PHF8: variants seen among roughly 807,000 people sequenced by gnomAD.
PHF8 encodes histone lysine demethylase PHF8.
PHF8 carries 9 observed loss-of-function variants against 74.4 expected under a neutral mutation model. The ratio of observed to expected loss-of-function variants is 0.12; its 90% confidence interval spans 0.07 to 0.21. The LOEUF is 0.21. Among genes scored for constraint, PHF8 ranks in the 10% least tolerant of loss-of-function variants. The probability of loss-of-function intolerance (pLI) is 1.00; values close to 1 mark genes in which losing one functional copy is unlikely to be tolerated. For synonymous variants in PHF8, 311 were observed against 316.6 expected, an observed-to-expected ratio of 0.98 and a Z score of 0.19; for missense variants, 478 against 816.6, an observed-to-expected ratio of 0.59 and a Z score of 5.05.
chrX:54,002,413 G>C, intron 9 of PHF8, 152 bp from the exon 10 acceptor site: 1 of 549,131 alleles, frequency 1.8e-6, no homozygotes. Flanking sequence ...GGGTTCAAAG[G>C]TTATATAACT....
At chrX:53,977,225 C>T (rs1201690746) in intron 18 of PHF8, among the ~76,000 whole-genome samples, 3 of 111,679 alleles carry the variant, frequency 2.7e-5, no homozygotes, top group African/African-American at 9.8e-5. Context: ...GTCTCAGCTA[C>T]TCAGGAGGCT....
chrX:54,009,830 G>C (rs1180391835), intron 8 of PHF8, among the ~76,000 whole-genome samples: 1 of 59,978 alleles, frequency 1.7e-5, no homozygotes, highest in Non-Finnish European at 2.7e-5. Flanking sequence ...GTGACAGAGT[G>C]AGACTCTGTC....
intron 8 of PHF8, among the ~76,000 whole-genome samples, chrX:54,004,697 G>A (rs977867824): frequency 3.6e-5 from 4 of 110,406 alleles, no homozygotes; most frequent in East Asian, 5.7e-4. Context: ...TTGGGAGGCC[G>A]AGGTGGGTAT....
upstream of PHF8, among the ~76,000 whole-genome samples, chrX:54,045,611 A>G (rs1557117329): frequency 1.8e-5 from 2 of 112,925 alleles, no homozygotes; most frequent in Admixed American, 9.3e-5. Flanking sequence ...AAAGAGCCTT[A>G]CAAGCTGCTT....
chrX:53,984,947 T>C lies in PHF8; in HGVS notation c.2410A>G (p.Ser804Gly). Reference protein sequence around the residue: ...EENASLDEQDSLGACFKDAEY... With the variant: ...EENASLDEQDGLGACFKDAEY... ...GCATCCTTGAAGCACGCTCCCAAGC[T>C]GTCCTGTTCATCCAGACTGGCGTTC... is the stretch of plus-strand genomic sequence containing the variant. Residue 804 changes from serine (S) to glycine (G), a missense_variant, in exon 18 of 22, where the codon AGC (serine) becomes GGC (glycine). Physicochemically the swap from Ser to Gly is moderately conservative, Grantham distance 56 (BLOSUM62 0). This residue lies in a region of PHF8 where 35 missense variants were observed against 78.8 expected (regional missense o/e 0.44). Coordinates refer to ENST00000338154, the MANE Select transcript of PHF8 (RefSeq NM_015107.3). 8.3e-7 allele frequency: 1 copy of C among 1,211,268 alleles called. No individual in the cohort carries two copies. The highest frequency in any genetic ancestry group is 3.0e-5 in the East Asian group (1 of 33,843).
chrX:54,016,120 A>G (rs2066063613), intron 6 of PHF8, among the ~76,000 whole-genome samples: 1 of 111,810 alleles, frequency 8.9e-6, no homozygotes, highest in African/African-American at 3.2e-5. Context: ...ATATGACTCA[A>G]CTGTTACAAC....
intron 2 of PHF8, among the ~76,000 whole-genome samples, chrX:54,037,213 G>A (rs1259210441): frequency 1.8e-5 from 2 of 111,435 alleles, no homozygotes; most frequent in African/African-American, 6.5e-5. Context: ...CCTCTAGCAA[G>A]TCTGACAAAT....
At chrX:53,991,675 A>AAAC (rs2065665117) in intron 14 of PHF8, among the ~76,000 whole-genome samples, 1 of 105,536 alleles carries the variant, frequency 9.5e-6, no homozygotes, top group African/African-American at 3.5e-5. Flanking sequence ...AAAAAAAAAA[A>AAAC]AAAAAAAAAA....
intron 19 of PHF8, among the ~76,000 whole-genome samples, chrX:53,960,574 C>G (rs1338506557): frequency 9.4e-6 from 1 of 105,897 alleles, no homozygotes; most frequent in Non-Finnish European, 1.9e-5. Context: ...ATGGTGAAAC[C>G]CCATCTCTAC....
chrX:54,048,236 C>T (rs895151522), upstream of PHF8, among the ~76,000 whole-genome samples: 92 of 108,990 alleles, frequency 8.4e-4, no homozygotes, highest in African/African-American at 3.1e-3. Flanking sequence ...GGCAAGAGGA[C>T]TGGGTGGGCT....
chrX:53,978,070 T>C (rs1461752523), intron 18 of PHF8, among the ~76,000 whole-genome samples: 1 of 108,084 alleles, frequency 9.3e-6, no homozygotes, highest in Non-Finnish European at 1.9e-5. Context: ...CTCAGCCTCC[T>C]GAGTAGCTGG....
rs908612656 is a variant in PHF8, at chrX:54,041,763, C to G, written c.98+868G>C. Among the ~76,000 whole-genome samples the G allele has an allele frequency of 4.4e-5, 5 of 112,441 alleles. No individual in the cohort carries two copies. In the East Asian group the frequency reaches 1.4e-3, roughly 31 times the overall value. Reference sequence around the variant, plus strand: ...ATAAATGCTGTAGAAATAAAATACTCTTCCATTTCTGCCTCCATTTATGGA... The same window carrying G: ...ATAAATGCTGTAGAAATAAAATACTGTTCCATTTCTGCCTCCATTTATGGA... On this transcript the variant is annotated intron_variant, in intron 2 of 21. Transcript: ENST00000338154.
intron 2 of PHF8, among the ~76,000 whole-genome samples, chrX:54,027,331 A>G (rs782349672): frequency 9.5e-4 from 105 of 110,979 alleles, no homozygotes; most frequent in African/African-American, 3.3e-3. Context: ...AAATAAACCT[A>G]CGAAGCTTGA....
At chrX:54,040,096 G>A (rs1479743724) in intron 2 of PHF8, 1 of 111,948 alleles carries the variant, frequency 8.9e-6, no homozygotes, top group Non-Finnish European at 1.9e-5. Context: ...AAAAAATTAA[G>A]AACATTATTT....
rs56902207 is a variant in PHF8, at chrX:54,037,000, T to TA, written c.98+5630dup. Among the ~76,000 whole-genome samples the TA allele has an allele frequency of 5.3e-3, 335 of 63,214 alleles. 2 individuals are homozygous for TA. The highest frequency in any genetic ancestry group is 0.012 in the South Asian group (16 of 1,354). The allele number at this position is 63,214 out of a possible 115,157, so 54.9% of individuals were successfully genotyped here. A position where few individuals can be genotyped will look rare whatever the true frequency, so the allele number is the denominator to read the frequency against. On this transcript the variant is annotated intron_variant, in intron 2 of 21. Transcript: ENST00000338154. ...GGGCAACAGGCTGTTTCAGAAAAAA[T>TA]AAAAAAAAAAAAAAAAAGAAAAGAA...
At chrX:53,963,688 C>A (rs1200683064) in intron 18 of PHF8, among the ~76,000 whole-genome samples, 2 of 112,079 alleles carry the variant, frequency 1.8e-5, no homozygotes, top group East Asian at 5.6e-4. Context: ...CAATGAGATA[C>A]CATCTCAAGC....
Position 53,992,830 on chromosome X carries a change from T to C in PHF8, c.1636A>G (p.Thr546Ala), listed in dbSNP as rs1557101765. The C allele has an allele frequency of 2.5e-6, 3 of 1,187,030 alleles. No homozygotes were observed. The change falls in exon 14 of 22, where the codon ACT becomes GCT. Residue 546 changes from threonine to alanine, a missense_variant. Thr to Ala is a moderately conservative substitution (Grantham distance 58). This residue lies in a region of PHF8 where 153 missense variants were observed against 164.8 expected (regional missense o/e 0.93). Transcript: ENST00000338154. ...TCTGAGTCATTCAAGCAGGCACCAG[T>C]GATGTTGAACTGTAGAAGTAGGAGA... ...GSFQKAKFNI[T>A]GACLNDSDDD...
chrX:54,002,369 T>G lies in PHF8; in HGVS notation c.1035-108A>C, dbSNP rs1410866564. The G allele has an allele frequency of 3.7e-5, 21 of 575,257 alleles. No individual in the cohort carries two copies. In the East Asian group the frequency reaches 7.3e-4, roughly 20 times the overall value. 47.4% of individuals were successfully genotyped at this position (575,257 alleles called of 1,213,427 possible). A position where few individuals can be genotyped will look rare whatever the true frequency, so the allele number is the denominator to read the frequency against. On this transcript the variant is annotated intron_variant, in intron 9 of 21. Coordinates refer to ENST00000338154, the MANE Select transcript of PHF8 (RefSeq NM_015107.3). The stretch of plus-strand genomic sequence containing the variant: ...TTGTATCTCTAATCCTCAAAATGAC[T>G]CTGCAAGATCTGACTTTACACATTA...
chrX:53,994,381 T>A (rs1437551174), intron 12 of PHF8, among the ~76,000 whole-genome samples: 1 of 112,472 alleles, frequency 8.9e-6, no homozygotes, highest in Admixed American at 9.4e-5. Context: ...TGTGGCTCCT[T>A]TGAGCTTCTT....
Sources: allele counts gnomAD v4.1 joint callset (sites outside exome capture counted in the v4.1 genomes callset), GRCh38; gene constraint gnomAD v4.1.1; regional missense constraint gnomAD v4.1.1; transcripts MANE v1.5; gene names NCBI Gene and HGNC (gene_info 2026-07-23, HGNC 2026-07-21).